SOX5: variants seen among roughly 807,000 people sequenced by gnomAD.
SOX5 encodes SRY-box transcription factor 5.
Under a neutral mutation model 92.0 loss-of-function variants are expected in SOX5, and 9 were observed. That is an observed-to-expected ratio of 0.10 (90% CI 0.06 to 0.17). SOX5 has a LOEUF of 0.17. Ranked by LOEUF, SOX5 falls within the 10% of genes least tolerant of loss-of-function variation. The pLI is 1.00. For synonymous variants in SOX5, 344 were observed against 336.3 expected (o/e 1.02, Z -0.25); for missense variants, 642 against 944.5 (o/e 0.68, Z 4.20).
intron 6 of SOX5, among the ~76,000 whole-genome samples, chr12:23,676,754 T>C (rs74986753): frequency 0.018 from 2,795 of 152,304 alleles, 89 homozygotes; most frequent in African/African-American, 0.064. Context: ...TTCTCTCCGT[T>C]ATTTGGGAGA....
chr12:24,560,796 G>A lies in SOX5; in HGVS notation c.-251+1533C>T, dbSNP rs76004071. Among the ~76,000 whole-genome samples, 1,510 of 152,178 alleles carry A rather than the reference G, an allele frequency of 9.9e-3. 29 individuals carry two copies. The highest frequency in any genetic ancestry group is 0.035 in the African/African-American group (1,449 of 41,504). ...CTTAACCTAATCACTCTTGGCCATC[G>A]AGCCTCACTCCCGTAATCCTGATCA... On this transcript the variant is annotated intron_variant, in intron 1 of 4. Coordinates refer to the SOX5 transcript ENST00000446891.
chr12:23,913,415 G>A (rs2097373732), intron 1 of SOX5, among the ~76,000 whole-genome samples: 1 of 150,384 alleles, frequency 6.6e-6, no homozygotes, highest in South Asian at 2.1e-4. Flanking sequence ...ACTCCTCATA[G>A]GCAAATATTT....
chr12:23,725,397 G>A (rs1258431804), intron 6 of SOX5, among the ~76,000 whole-genome samples: 3 of 152,156 alleles, frequency 2.0e-5, no homozygotes. Flanking sequence ...AGCTTGTGCA[G>A]GGGAACTCCC....
intron 2 of SOX5, among the ~76,000 whole-genome samples, chr12:24,314,321 A>C (rs1442509118): frequency 1.4e-5 from 2 of 145,306 alleles, no homozygotes; most frequent in Non-Finnish European, 3.0e-5. Context: ...CATGGTGTAT[A>C]TGTGCCACAC....
chr12:23,625,532 C>T (rs1431397836), intron 8 of SOX5, among the ~76,000 whole-genome samples: 1 of 152,176 alleles, frequency 6.6e-6, no homozygotes, highest in Non-Finnish European at 1.5e-5. Flanking sequence ...CACTTGAAAT[C>T]CCCAATTCCA....
chr12:23,641,231 AC>A (rs2080021861), intron 7 of SOX5, among the ~76,000 whole-genome samples: 11 of 152,160 alleles, frequency 7.2e-5, no homozygotes, highest in Admixed American at 7.2e-4. Flanking sequence ...TAATATGAGC[AC>A]AGTAACTCCT....
chr12:23,659,783 G>A (rs1389604447), intron 7 of SOX5, among the ~76,000 whole-genome samples: 4 of 151,990 alleles, frequency 2.6e-5, no homozygotes, highest in South Asian at 4.1e-4. Flanking sequence ...CCTAGGCAAC[G>A]TGGCAAAATG....
intron 1 of SOX5, among the ~76,000 whole-genome samples, chr12:24,506,196 A>T (rs1472581405): frequency 1.3e-5 from 2 of 152,148 alleles, no homozygotes; most frequent in Non-Finnish European, 2.9e-5. Flanking sequence ...ATTTTTAAAA[A>T]ATATTATTTT....
At chr12:24,543,757 A>G (rs1952359111) in intron 1 of SOX5, among the ~76,000 whole-genome samples, 1 of 152,220 alleles carries the variant, frequency 6.6e-6, no homozygotes, top group Non-Finnish European at 1.5e-5. Flanking sequence ...GTAAGGATGG[A>G]GTTACTTGAA....
At chr12:24,515,105 T>A (rs945956618) in intron 1 of SOX5, among the ~76,000 whole-genome samples, 1 of 152,204 alleles carries the variant, frequency 6.6e-6, no homozygotes, top group Non-Finnish European at 1.5e-5. Flanking sequence ...AGCTGTGTCA[T>A]GTTATTTTAG....
rs1194361647 is a variant in SOX5, at chr12:23,679,896, TA to T, written c.811-14333del. On this transcript the variant is annotated intron_variant, in intron 6 of 14. Coordinates refer to ENST00000451604, the MANE Select transcript of SOX5 (RefSeq NM_006940.6). ...GATATCAAGGTAGTGGATAATCAGA[TA>T]AAAAAATAAAATAATATGCTTAAAA... Among the ~76,000 whole-genome samples, 13 of 151,048 alleles carry T rather than the reference TA, an allele frequency of 8.6e-5. No individual in the cohort carries two copies. The South Asian group carries it at 1.7e-3, about 19-fold the overall frequency.
At chr12:24,354,525 C>T (rs192540629) in intron 2 of SOX5, among the ~76,000 whole-genome samples, 2 of 152,354 alleles carry the variant, frequency 1.3e-5, no homozygotes, top group Non-Finnish European at 2.9e-5. Flanking sequence ...CAGTACAGAA[C>T]ATTTACTGGA....
chr12:23,786,603 G>A (rs2095384157), intron 3 of SOX5, among the ~76,000 whole-genome samples: 1 of 109,714 alleles, frequency 9.1e-6, no homozygotes, highest in Non-Finnish European at 2.1e-5. Flanking sequence ...GGAGATCAGT[G>A]TTCCTACTGT....
chr12:24,247,417 C>A (rs1304658280), intron 3 of SOX5, among the ~76,000 whole-genome samples: 1 of 152,016 alleles, frequency 6.6e-6, no homozygotes, highest in Non-Finnish European at 1.5e-5. Flanking sequence ...GGAGTTCTTG[C>A]AGCACAGGGT....
chr12:23,739,329 T>G, intron 5 of SOX5, among the ~76,000 whole-genome samples: 1 of 152,220 alleles, frequency 6.6e-6, no homozygotes. Context: ...TAATAGTTCA[T>G]AGGCATTGCC....
At chr12:23,745,731 A>T (rs1376944272) in intron 4 of SOX5, among the ~76,000 whole-genome samples, 1 of 150,352 alleles carries the variant, frequency 6.7e-6, no homozygotes, top group Non-Finnish European at 1.5e-5. Context: ...ATTTCCACGG[A>T]TAACATTTGT....
In SOX5 at chr12:23,531,043, G is replaced by T. The variant is rs1028698860; in HGVS notation, c.*3176C>A. 1 of 152,048 alleles carries T rather than the reference G, an allele frequency of 6.6e-6. No individual in the cohort carries two copies. Among genetic ancestry groups the T allele is most frequent in the Non-Finnish European group, 1.5e-5 (1 of 68,020 alleles). 9.4% of individuals were successfully genotyped at this position (152,048 alleles called of 1,614,324 possible). ...ATTATAAATCAACCAATGCCAAAAAGGCAATGTAGTAACACAGTAAGTTGC... is the reference window on the plus strand; with the variant it reads ...ATTATAAATCAACCAATGCCAAAAATGCAATGTAGTAACACAGTAAGTTGC... On this transcript the variant is annotated 3_prime_UTR_variant, in exon 15 of 15. Coordinates refer to ENST00000451604, the MANE Select transcript of SOX5 (RefSeq NM_006940.6).
intron 1 of SOX5, among the ~76,000 whole-genome samples, chr12:24,436,075 C>A (rs1208281624): frequency 6.6e-6 from 1 of 152,154 alleles, no homozygotes. Flanking sequence ...ATTTCTCTTC[C>A]TCTCCTTGGG....
At chr12:24,247,724 C>G (rs750844032) in intron 3 of SOX5, among the ~76,000 whole-genome samples, 1 of 145,374 alleles carries the variant, frequency 6.9e-6, no homozygotes, top group Non-Finnish European at 1.5e-5. Flanking sequence ...AGTCTCAGCT[C>G]ACTGAAACCT....
Sources: allele counts gnomAD v4.1 joint callset (sites outside exome capture counted in the v4.1 genomes callset), GRCh38; gene constraint gnomAD v4.1.1; transcripts MANE v1.5; gene names NCBI Gene and HGNC (gene_info 2026-07-23, HGNC 2026-07-21).